C1orf105: variants seen among roughly 807,000 people sequenced by gnomAD.
The protein encoded by C1orf105 is uncharacterized protein C1orf105.
In C1orf105, 17 loss-of-function variants were observed where a neutral mutation model predicts 20.8. The ratio of observed to expected loss-of-function variants is 0.82; its 90% CI spans 0.56 to 1.23. The LOEUF is 1.23. C1orf105 is among the 50% of genes most tolerant of loss of function. C1orf105 has a pLI of 0.00. For synonymous variants in C1orf105, 72 were observed against 72.1 expected, an observed-to-expected ratio of 1.00 and a Z score of 0.01; for missense variants, 219 against 213.5, an observed-to-expected ratio of 1.03 and a Z score of -0.16.
intron 3 of C1orf105, among the ~76,000 whole-genome samples, chr1:172,449,682 C>T (rs143041870): frequency 2.0e-5 from 3 of 152,248 alleles, no homozygotes; most frequent in Non-Finnish European, 2.9e-5. Context: ...TTTTCAACAC[C>T]GGAGTTTCAG....
intron 1 of C1orf105, chr1:172,444,001 G>C (rs1215368770): frequency 2.0e-6 from 2 of 1,000,200 alleles, no homozygotes; most frequent in Non-Finnish European, 2.4e-6. Flanking sequence ...AGAGTTCCTA[G>C]GGTTGCGCAG....
intron 1 of C1orf105, chr1:172,442,197 C>T: frequency 6.2e-7 from 1 of 1,614,192 alleles, no homozygotes; most frequent in Non-Finnish European, 8.5e-7. Flanking sequence ...TGCTGACAGA[C>T]TCTGTAAGGG....
At chr1:172,429,876 C>T (rs2071822989) in intron 1 of C1orf105, among the ~76,000 whole-genome samples, 1 of 152,136 alleles carries the variant, frequency 6.6e-6, no homozygotes, top group Admixed American at 6.5e-5. Flanking sequence ...CCTCCCATAC[C>T]AACTTTAATC....
chr1:172,455,392 T>C lies in C1orf105; in HGVS notation c.199-1023T>C, dbSNP rs75517210. On this transcript the variant is annotated intron_variant, in intron 3 of 6. Transcript: ENST00000367727. ...TGGGTCAAGGCACACCATGTAGTGATGGGCCAGCAAGCGGATCAAAGGAAA... is the reference window on the plus strand; with the variant it reads ...TGGGTCAAGGCACACCATGTAGTGACGGGCCAGCAAGCGGATCAAAGGAAA... Among the ~76,000 whole-genome samples the C allele has an allele frequency of 5.2e-3, 796 of 152,322 alleles. 7 individuals are homozygous for C. The highest frequency in any genetic ancestry group is 0.018 in the African/African-American group (757 of 41,576).
At chr1:172,443,213 T>G (rs533031526) in intron 1 of C1orf105, 1 of 167,806 alleles carries the variant, frequency 6.0e-6, no homozygotes, top group African/African-American at 2.4e-5. Flanking sequence ...AAAGCCTGTG[T>G]CTCACATTGT....
In C1orf105 at chr1:172,445,125, T is replaced by TA. The variant is rs1647832196; in HGVS notation, c.77dup (p.Asn26LysfsTer41). On this transcript the variant is annotated frameshift_variant, in exon 2 of 7. Coordinates refer to ENST00000367727, the MANE Select transcript of C1orf105 (RefSeq NM_139240.4). LOFTEE classifies it high-confidence loss of function. ...CCTTGGCTTAGTGAGGCCAGCCTTG[T>TA]AAACAAGCCATTAGTGCTCAGCCTT... The TA allele has an allele frequency of 6.2e-7, 1 of 1,613,488 alleles. No homozygotes were observed. The highest frequency in any genetic ancestry group is 1.6e-4 in the Middle Eastern group (1 of 6,062).
intron 1 of C1orf105, chr1:172,444,084 G>C: frequency 1.0e-6 from 1 of 997,382 alleles, no homozygotes; most frequent in Middle Eastern, 5.2e-4. Context: ...AAGCACTTCC[G>C]GGTCCGCCGC....
chr1:172,428,865 T>C (rs1467286465), intron 1 of C1orf105: 1 of 691,954 alleles, frequency 1.4e-6, no homozygotes, highest in Non-Finnish European at 2.6e-6. Flanking sequence ...GACAATAAAT[T>C]CCTGAAGCCA....
Position 172,465,658 on chromosome 1 carries a change from CA to C in C1orf105, c.406+299del, listed in dbSNP as rs373984495. 495 of 544,508 alleles carry C rather than the reference CA, an allele frequency of 9.1e-4. 3 individuals carry two copies. Among genetic ancestry groups the C allele is most frequent in the African/African-American group, 7.4e-3 (395 of 53,266 alleles). The allele number at this position is 544,508 out of a possible 1,614,324, so 33.7% of individuals were successfully genotyped here. ...ACTTTCCATGGAGATGGGGTACAAA[CA>C]AAATAAAAGTTCCCCTATTGGCAGT... is the stretch of plus-strand genomic sequence containing the variant. On this transcript the variant is annotated intron_variant, in intron 6 of 6. Transcript: ENST00000367727.
At chr1:172,433,911 C>T (rs980654558) in intron 1 of C1orf105, among the ~76,000 whole-genome samples, 3 of 152,076 alleles carry the variant, frequency 2.0e-5, no homozygotes, top group African/African-American at 2.4e-5. Flanking sequence ...GGAGGAAGAC[C>T]TACCAAGCAA....
chr1:172,445,538 T>C (rs1050893439), intron 2 of C1orf105, among the ~76,000 whole-genome samples: 2 of 152,258 alleles, frequency 1.3e-5, no homozygotes, highest in Admixed American at 1.3e-4. Context: ...CCCATCTTTA[T>C]AGAATAGTAA....
intron 1 of C1orf105, among the ~76,000 whole-genome samples, chr1:172,440,818 G>C (rs1204682968): frequency 6.6e-6 from 1 of 152,164 alleles, no homozygotes; most frequent in Non-Finnish European, 1.5e-5. Flanking sequence ...ACAGTTATTG[G>C]GATTTCTTTT....
intron 6 of C1orf105, among the ~76,000 whole-genome samples, chr1:172,465,947 G>T (rs953366200): frequency 6.6e-6 from 1 of 152,200 alleles, no homozygotes; most frequent in Non-Finnish European, 1.5e-5. Context: ...ATTATTTGGG[G>T]TAATATAATT....
chr1:172,457,863 T>C (rs1649407361), intron 4 of C1orf105, among the ~76,000 whole-genome samples: 1 of 152,220 alleles, frequency 6.6e-6, no homozygotes, highest in Non-Finnish European at 1.5e-5. Context: ...CCTTCTGTAC[T>C]GCTGTCAGAA....
chr1:172,454,991 C>T (rs958323353), intron 3 of C1orf105, among the ~76,000 whole-genome samples: 4 of 152,136 alleles, frequency 2.6e-5, no homozygotes, highest in Non-Finnish European at 2.9e-5. Context: ...CTTTATTCGT[C>T]GGTATGACCC....
chr1:172,454,716 C>T (rs1649046569), intron 3 of C1orf105, among the ~76,000 whole-genome samples: 1 of 151,878 alleles, frequency 6.6e-6, no homozygotes, highest in South Asian at 2.1e-4. Context: ...TTTTTTTTTA[C>T]CCTTCTCAGA....
At chr1:172,451,062 T>C (rs1368135519) in intron 3 of C1orf105, 1 of 152,294 alleles carries the variant, frequency 6.6e-6, no homozygotes. Context: ...TCATGATAGT[T>C]GGCTAACTGG....
intron 3 of C1orf105, among the ~76,000 whole-genome samples, chr1:172,451,691 T>G (rs6689377): frequency 0.26 from 39,375 of 151,896 alleles, 5,447 homozygotes; most frequent in East Asian, 0.35. Context: ...ATATTATTTT[T>G]TATACATTTT....
At chr1:172,428,414 T>C (rs762970741) in intron 1 of C1orf105, among the ~76,000 whole-genome samples, 1 of 152,228 alleles carries the variant, frequency 6.6e-6, no homozygotes, top group African/African-American at 2.4e-5. Flanking sequence ...TACAATGTCA[T>C]ACATAATCTA....
Sources: allele counts gnomAD v4.1 joint callset (sites outside exome capture counted in the v4.1 genomes callset), GRCh38; gene constraint gnomAD v4.1.1; transcripts MANE v1.5; gene names NCBI Gene and HGNC (gene_info 2026-07-23, HGNC 2026-07-21).